The following STK39 variants were observed in gnomAD, a reference collection of about 807,000 sequenced individuals.
STK39 encodes STE20/SPS1-related proline-alanine-rich protein kinase.
STK39 carries 20 observed loss-of-function variants against 77.8 expected under a neutral mutation model. That is an observed-to-expected ratio of 0.26 (90% CI 0.18 to 0.37). STK39 has a LOEUF of 0.37. Among genes scored for constraint, STK39 ranks in the 10% least tolerant of loss-of-function variants. The probability of loss-of-function intolerance (pLI) is 1.00; values close to 1 mark genes in which losing one functional copy is unlikely to be tolerated. For synonymous variants in STK39, 246 were observed against 234.1 expected (o/e 1.05, Z -0.47); for missense variants, 479 against 656.5 (o/e 0.73, Z 2.95).
At chr2:168,115,719 C>G (rs1434868760) in intron 10 of STK39, among the ~76,000 whole-genome samples, 1 of 152,094 alleles carries the variant, frequency 6.6e-6, no homozygotes, top group Non-Finnish European at 1.5e-5. Context: ...TGGCATGATT[C>G]CAACTTTGTT....
At chr2:168,159,320 G>GAC (rs1454777696) in intron 5 of STK39, among the ~76,000 whole-genome samples, 2 of 151,986 alleles carry the variant, frequency 1.3e-5, no homozygotes, top group East Asian at 3.9e-4. Context: ...AACAAAAAGG[G>GAC]ACCGTCTCAC....
chr2:168,137,433 G>T (rs1559114778), intron 8 of STK39, among the ~76,000 whole-genome samples: 1 of 152,072 alleles, frequency 6.6e-6, no homozygotes, highest in South Asian at 2.1e-4. Context: ...TCACTAACCA[G>T]GATATTTCAA....
At chr2:168,056,419 G>A (rs948722965) in intron 14 of STK39, among the ~76,000 whole-genome samples, 2 of 152,142 alleles carry the variant, frequency 1.3e-5, no homozygotes, top group African/African-American at 4.8e-5. Context: ...CAAAAAGAAA[G>A]TCACAGTGAC....
At chr2:168,089,155 G>A (rs1686449557) in intron 10 of STK39, among the ~76,000 whole-genome samples, 1 of 152,134 alleles carries the variant, frequency 6.6e-6, no homozygotes, top group African/African-American at 2.4e-5. Flanking sequence ...ACAGTTTTGT[G>A]CCTGATTTTT....
intron 10 of STK39, among the ~76,000 whole-genome samples, chr2:168,093,852 A>T (rs1686591532): frequency 6.6e-6 from 1 of 152,182 alleles, no homozygotes. Flanking sequence ...GTGGGGGGAA[A>T]GCCCAATCTC....
chr2:167,955,781 A>G (rs1691749149), intron 17 of STK39, among the ~76,000 whole-genome samples: 1 of 152,236 alleles, frequency 6.6e-6, no homozygotes, highest in South Asian at 2.1e-4. Flanking sequence ...TATGAAGTAC[A>G]GAACAGAGGT....
chr2:168,153,543 G>A (rs550036637), intron 5 of STK39, among the ~76,000 whole-genome samples: 1 of 151,984 alleles, frequency 6.6e-6, no homozygotes, highest in East Asian at 1.9e-4. Context: ...TGCTGCTGCT[G>A]CTCTAGGAGC....
chr2:168,184,258 G>A (rs1689151535), intron 1 of STK39, among the ~76,000 whole-genome samples: 1 of 152,210 alleles, frequency 6.6e-6, no homozygotes, highest in Non-Finnish European at 1.5e-5. Context: ...GGGGTAGGTG[G>A]TGAGAAAAAT....
At position 168,119,603 on chromosome 2, in the gene STK39, C is replaced by A. The variant is rs141850554; in HGVS notation, c.1089+9938G>T. On this transcript the variant is annotated intron_variant, in intron 10 of 17. Coordinates refer to ENST00000355999, the MANE Select transcript of STK39 (RefSeq NM_013233.3). ...TTCATGGCTCAGTAGGGACCTAACACCCCTTTGATCCCTCAACTCCAAGTC... is the reference window on the plus strand; with the variant it reads ...TTCATGGCTCAGTAGGGACCTAACAACCCTTTGATCCCTCAACTCCAAGTC... 3.3e-5 allele frequency among the ~76,000 whole-genome samples: 5 copies of A among 152,268 alleles called. No individual in the cohort carries two copies. In the East Asian group the frequency reaches 9.7e-4, roughly 29 times the overall value.
At chr2:168,206,925 C>T (rs1194827012) in intron 1 of STK39, among the ~76,000 whole-genome samples, 2 of 152,158 alleles carry the variant, frequency 1.3e-5, no homozygotes, top group East Asian at 3.9e-4. Flanking sequence ...TAATGGAAAC[C>T]TCCATTAAAA....
rs140022398 is a variant in STK39, at chr2:168,008,382, C to A, written c.1498+4252G>T. On this transcript the variant is annotated intron_variant, in intron 16 of 17. Coordinates refer to ENST00000355999, the MANE Select transcript of STK39 (RefSeq NM_013233.3). ...AGAGAAAGAAAAGTCAAGGACAATG[C>A]CCAGGGTTTTGGCCTGAGCACCTGG... Among the ~76,000 whole-genome samples the A allele has an allele frequency of 3.6e-4, 55 of 152,206 alleles. No homozygotes were observed. The East Asian group carries it at 9.1e-3, about 25-fold the overall frequency.
chr2:168,236,887 C>T (rs1166026813), intron 1 of STK39, among the ~76,000 whole-genome samples: 35 of 152,054 alleles, frequency 2.3e-4, no homozygotes, highest in Non-Finnish European at 4.7e-4. Flanking sequence ...TAGTGTGATG[C>T]CTCCAGCTTT....
At chr2:168,093,628 T>C (rs2105438043) in intron 10 of STK39, among the ~76,000 whole-genome samples, 1 of 152,292 alleles carries the variant, frequency 6.6e-6, no homozygotes, top group East Asian at 1.9e-4. Flanking sequence ...CTCTTCTACC[T>C]ATTCTCTGCC....
chr2:168,008,549 C>T (rs1684190576), intron 16 of STK39, among the ~76,000 whole-genome samples: 1 of 151,936 alleles, frequency 6.6e-6, no homozygotes. Context: ...AAAAGGGGAG[C>T]TGAATATAAG....
intron 14 of STK39, among the ~76,000 whole-genome samples, chr2:168,049,329 G>A (rs373229081): frequency 6.6e-6 from 1 of 152,146 alleles, no homozygotes; most frequent in Non-Finnish European, 1.5e-5. Flanking sequence ...TTTCTTACCA[G>A]GTTGCCTCCT....
intron 10 of STK39, among the ~76,000 whole-genome samples, chr2:168,109,547 CA>C (rs998475789): frequency 6.6e-6 from 1 of 152,124 alleles, no homozygotes; most frequent in African/African-American, 2.4e-5. Flanking sequence ...GCATGGTGTG[CA>C]AAAGTTTCTC....
At chr2:167,957,846 T>A (rs534497308) in intron 17 of STK39, among the ~76,000 whole-genome samples, 11 of 152,230 alleles carry the variant, frequency 7.2e-5, no homozygotes, top group Admixed American at 1.3e-4. Flanking sequence ...CTAGAGTAGG[T>A]GATAAACCAG....
chr2:168,189,694 G>A (rs1689291982), intron 1 of STK39, among the ~76,000 whole-genome samples: 1 of 152,050 alleles, frequency 6.6e-6, no homozygotes, highest in East Asian at 1.9e-4. Context: ...TTTTCTTAAT[G>A]AAACACAATA....
rs539470607 is a variant in STK39, at chr2:168,116,718, T to C, written c.1089+12823A>G. Among the ~76,000 whole-genome samples the C allele has an allele frequency of 1.2e-4, 18 of 152,256 alleles. No individual in the cohort carries two copies. The South Asian group carries it at 3.7e-3, about 32-fold the overall frequency. On this transcript the variant is annotated intron_variant, in intron 10 of 17. Transcript: ENST00000355999. Reference sequence around the variant, plus strand: ...AGGGCAGAGGGGCAAACATTTGCCTTCCTCCCACAGATGATAGAACCCTTC... The same window carrying C: ...AGGGCAGAGGGGCAAACATTTGCCTCCCTCCCACAGATGATAGAACCCTTC...
Sources: allele counts gnomAD v4.1 joint callset (sites outside exome capture counted in the v4.1 genomes callset), GRCh38; gene constraint gnomAD v4.1.1; transcripts MANE v1.5; gene names NCBI Gene and HGNC (gene_info 2026-07-23, HGNC 2026-07-21).